Variants in PAK1 observed in about 807,000 individuals in gnomAD.
PAK1 encodes serine/threonine-protein kinase PAK 1.
Under a neutral mutation model 67.4 loss-of-function variants are expected in PAK1, and 29 were observed. The observed-to-expected ratio is 0.43, with a 90% CI of 0.32 to 0.59. The LOEUF is 0.59. Ranked by LOEUF, PAK1 falls within the 20% of genes least tolerant of loss-of-function variation. The pLI is 0.07. For synonymous variants in PAK1, 223 were observed against 237.4 expected, an observed-to-expected ratio of 0.94 and a Z score of 0.56; for missense variants, 337 against 670.7, an observed-to-expected ratio of 0.50 and a Z score of 5.50.
intron 4 of PAK1, among the ~76,000 whole-genome samples, chr11:77,375,094 C>A (rs1948917286): frequency 6.6e-6 from 1 of 152,174 alleles, no homozygotes; most frequent in South Asian, 2.1e-4. Context: ...AATTATCAGA[C>A]CACCATTGTA....
chr11:77,349,381 G>C, intron 8 of PAK1, 94 bp from the exon 9 acceptor site: 1 of 930,336 alleles, frequency 1.1e-6, no homozygotes, highest in Non-Finnish European at 1.7e-6. Flanking sequence ...ATCTGTGAGT[G>C]TCAAAAACAA....
the PAK1 span, among the ~76,000 whole-genome samples, chr11:77,486,514 A>G: frequency 1.3e-5 from 2 of 152,218 alleles, no homozygotes; most frequent in Non-Finnish European, 2.9e-5. Context: ...TTAACTTCAT[A>G]TTACTTAAAG....
the PAK1 span, among the ~76,000 whole-genome samples, chr11:77,481,502 C>G: frequency 3.2e-4 from 49 of 151,994 alleles, 1 homozygote; most frequent in East Asian, 9.5e-3. Flanking sequence ...AGGTGAAACC[C>G]CATCTCTACT....
intron 2 of PAK1, among the ~76,000 whole-genome samples, chr11:77,390,620 C>T (rs1250229868): frequency 6.6e-6 from 1 of 151,976 alleles, no homozygotes; most frequent in African/African-American, 2.4e-5. Context: ...CCTCAGCCTC[C>T]CAAGCAGCTG....
intron 14 of PAK1, among the ~76,000 whole-genome samples, chr11:77,331,276 C>T (rs572188619): frequency 6.6e-6 from 1 of 152,320 alleles, no homozygotes; most frequent in South Asian, 2.1e-4. Context: ...CCAGCCATCC[C>T]ATTACTGGGT....
At chr11:77,528,523 T>G in the PAK1 span, among the ~76,000 whole-genome samples, 1 of 152,094 alleles carries the variant, frequency 6.6e-6, no homozygotes, top group African/African-American at 2.4e-5. Context: ...TTTTAAACTT[T>G]TGGTAGAGAT....
intron 4 of PAK1, among the ~76,000 whole-genome samples, chr11:77,375,151 C>G: frequency 6.6e-6 from 1 of 152,162 alleles, no homozygotes. Flanking sequence ...GCCCAGGGTA[C>G]ACACAGGTTA....
intron 8 of PAK1, 23 bp downstream of exon 8, chr11:77,353,513 G>A: frequency 1.3e-6 from 2 of 1,563,470 alleles, no homozygotes; most frequent in Non-Finnish European, 8.8e-7. Context: ...ATTTCTCCAG[G>A]GAAAGAAAAT....
rs1037453 is a variant in PAK1, at chr11:77,417,023, C to A, written c.-21-24482G>T. On this transcript the variant is annotated intron_variant, in intron 1 of 14. Coordinates refer to ENST00000356341, the MANE Select transcript of PAK1 (RefSeq NM_002576.5). ...GGCAGCACAGCAGGTTTGTTTACAC[C>A]AGCATCTCCACAAACATGAGTAATG... Among the ~76,000 whole-genome samples, 326 of 152,076 alleles carry A rather than the reference C, an allele frequency of 2.1e-3. 3 individuals are homozygous for A. The highest frequency in any genetic ancestry group is 7.7e-3 in the African/African-American group (318 of 41,496).
At chr11:77,359,265 G>A (rs1946453801) in intron 5 of PAK1, among the ~76,000 whole-genome samples, 1 of 152,024 alleles carries the variant, frequency 6.6e-6, no homozygotes, top group Non-Finnish European at 1.5e-5. Context: ...GCTGTGAATG[G>A]GAAGCTAGCT....
the PAK1 span, among the ~76,000 whole-genome samples, chr11:77,497,883 T>C: frequency 6.6e-6 from 1 of 152,236 alleles, no homozygotes; most frequent in South Asian, 2.1e-4. Context: ...GGCAAGAATA[T>C]TTAATTTTTA....
chr11:77,349,988 T>C (rs1945012707), intron 8 of PAK1, among the ~76,000 whole-genome samples: 1 of 152,114 alleles, frequency 6.6e-6, no homozygotes, highest in African/African-American at 2.4e-5. Flanking sequence ...ATTCATTGAG[T>C]TGTACACTTA....
chr11:77,500,108 C>G, the PAK1 span, among the ~76,000 whole-genome samples: 578 of 152,274 alleles, frequency 3.8e-3, 7 homozygotes, highest in African/African-American at 0.013. Context: ...TTCACAAACA[C>G]AGAATTTGTA....
chr11:77,510,825 A>C, the PAK1 span, among the ~76,000 whole-genome samples: 1 of 152,244 alleles, frequency 6.6e-6, no homozygotes, highest in East Asian at 1.9e-4. Flanking sequence ...TCTTTATGAG[A>C]ATACTAAGGA....
chr11:77,450,056 T>C (rs1043759982), intron 1 of PAK1, among the ~76,000 whole-genome samples: 1 of 152,204 alleles, frequency 6.6e-6, no homozygotes, highest in Non-Finnish European at 1.5e-5. Context: ...TTCTGCGAAA[T>C]TGAAGGCAAT....
chr11:77,512,435 T>C, the PAK1 span, among the ~76,000 whole-genome samples: 2 of 152,128 alleles, frequency 1.3e-5, no homozygotes, highest in Non-Finnish European at 2.9e-5. Flanking sequence ...TGGAGCAGTA[T>C]TTCTAATCTT....
Position 77,380,103 on chromosome 11 carries a change from T to A in PAK1, c.191-109A>T, listed in dbSNP as rs560791796. ...TCTCCTTGAGAGGGCAAAGTCTATC[T>A]ATTAATATTTCACATATGTAGAAGA... On this transcript the variant is annotated intron_variant, in intron 2 of 14. Coordinates refer to ENST00000356341, the MANE Select transcript of PAK1 (RefSeq NM_002576.5). 15 of 705,756 alleles carry A rather than the reference T, an allele frequency of 2.1e-5. No individual in the cohort carries two copies. In the South Asian group the frequency reaches 2.6e-4, roughly 12 times the overall value. The allele number at this position is 705,756 out of a possible 1,614,324, so 43.7% of individuals were successfully genotyped here.
intron 1 of PAK1, among the ~76,000 whole-genome samples, chr11:77,416,144 A>G (rs1190795831): frequency 6.6e-6 from 1 of 151,922 alleles, no homozygotes; most frequent in Non-Finnish European, 1.5e-5. Context: ...ATGCCCAGCT[A>G]ATTTTCGTAT....
chr11:77,377,955 C>T lies in PAK1; in HGVS notation c.439+1286G>A, dbSNP rs553878354. Reference sequence around the variant, plus strand: ...ACGAGAGGAAGGAAATACTGCTGGGCACATGCATGGCCCTCTCCTGGGCAC... The same window carrying T: ...ACGAGAGGAAGGAAATACTGCTGGGTACATGCATGGCCCTCTCCTGGGCAC... On this transcript the variant is annotated intron_variant, in intron 4 of 14. Transcript: ENST00000356341. Among the ~76,000 whole-genome samples the T allele has an allele frequency of 1.3e-3, 196 of 152,274 alleles. 1 individual carries two copies. The highest frequency in any genetic ancestry group is 0.01 in the Middle Eastern group (3 of 294).
Sources: gnomAD v4.1 joint callset for allele counts (sites outside exome capture counted in the v4.1 genomes callset) on GRCh38, gnomAD v4.1.1 for gene constraint, MANE v1.5 for transcripts, NCBI Gene and HGNC (gene_info 2026-07-23, HGNC 2026-07-21) for gene names.